The following LSAMP variants were observed in gnomAD, a reference collection of about 807,000 sequenced individuals.
LSAMP encodes limbic system-associated membrane protein.
In LSAMP, 7 loss-of-function variants were observed where a neutral mutation model predicts 38.6. The observed-to-expected ratio is 0.18, with a 90% CI of 0.10 to 0.34. The LOEUF (loss-of-function observed/expected upper bound fraction) is 0.34. Among genes scored for constraint, LSAMP ranks in the 10% least tolerant of loss-of-function variants. The pLI is 1.00. For missense variants in LSAMP, 313 were observed against 420.0 expected (o/e 0.75, Z 2.23); for synonymous variants, 154 against 166.8 (o/e 0.92, Z 0.59).
intron 2 of LSAMP, among the ~76,000 whole-genome samples, chr3:116,081,776 G>A (rs962073337): frequency 1.2e-4 from 18 of 152,114 alleles, no homozygotes; most frequent in African/African-American, 3.6e-4. Context: ...AAATGTATGG[G>A]ATTCTATTTA....
intron 1 of LSAMP, among the ~76,000 whole-genome samples, chr3:116,152,811 T>C (rs1275535088): frequency 6.6e-6 from 1 of 152,018 alleles, no homozygotes; most frequent in Non-Finnish European, 1.5e-5. Context: ...TAGAAATATG[T>C]ACACACACAC....
intron 1 of LSAMP, among the ~76,000 whole-genome samples, chr3:116,396,986 C>T (rs1174887124): frequency 6.6e-6 from 1 of 152,158 alleles, no homozygotes; most frequent in East Asian, 1.9e-4. Flanking sequence ...TAGCTTTTGT[C>T]CATGCTATCA....
chr3:116,439,750 G>A (rs1418785675), intron 1 of LSAMP, among the ~76,000 whole-genome samples: 2 of 152,188 alleles, frequency 1.3e-5, no homozygotes, highest in Non-Finnish European at 2.9e-5. Flanking sequence ...TTGAGACGGA[G>A]TCTCGCTCTG....
chr3:116,072,060 C>G (rs1278101547), intron 2 of LSAMP, among the ~76,000 whole-genome samples: 1 of 148,820 alleles, frequency 6.7e-6, no homozygotes, highest in Non-Finnish European at 1.5e-5. Flanking sequence ...ACTGCAAGCT[C>G]TGCCTCCCGG....
At chr3:116,398,181 G>T (rs1199563388) in intron 1 of LSAMP, among the ~76,000 whole-genome samples, 1 of 151,910 alleles carries the variant, frequency 6.6e-6, no homozygotes, top group Non-Finnish European at 1.5e-5. Flanking sequence ...ACATAATTAG[G>T]ATTTCTAATA....
intron 3 of LSAMP, among the ~76,000 whole-genome samples, chr3:115,898,004 T>A (rs992781407): frequency 8.5e-5 from 13 of 152,108 alleles, no homozygotes; most frequent in Non-Finnish European, 1.9e-4. Flanking sequence ...TCACTCCAGA[T>A]CCAAAATGCT....
intron 2 of LSAMP, among the ~76,000 whole-genome samples, chr3:116,081,724 T>C (rs1417410637): frequency 6.6e-6 from 1 of 152,160 alleles, no homozygotes. Context: ...ATGGATAAAG[T>C]CCGACAAGCC....
chr3:116,234,503 TTTATTAAAA>T (rs1170279140), intron 1 of LSAMP, among the ~76,000 whole-genome samples: 1 of 14,888 alleles, frequency 6.7e-5, no homozygotes, highest in Non-Finnish European at 4.4e-4. Flanking sequence ...AATCTACTTA[TTTATTAAAA>T]TAAATCCTGT....
At chr3:116,213,699 T>C (rs911701042) in intron 1 of LSAMP, among the ~76,000 whole-genome samples, 4 of 152,218 alleles carry the variant, frequency 2.6e-5, no homozygotes, top group Admixed American at 1.3e-4. Context: ...ATGTGGTATA[T>C]ATACATACAA....
chr3:116,081,299 T>C (rs1707866169), intron 2 of LSAMP, among the ~76,000 whole-genome samples: 1 of 151,978 alleles, frequency 6.6e-6, no homozygotes. Flanking sequence ...TCATCTCTAC[T>C]AAAAATTAGG....
At chr3:116,283,005 C>T (rs994056094) in intron 1 of LSAMP, among the ~76,000 whole-genome samples, 4 of 151,990 alleles carry the variant, frequency 2.6e-5, no homozygotes, top group Non-Finnish European at 5.9e-5. Context: ...AACAAGTTGC[C>T]CTTCCTTGGC....
At chr3:116,095,713 A>T (rs1033354520) in intron 1 of LSAMP, among the ~76,000 whole-genome samples, 4 of 152,222 alleles carry the variant, frequency 2.6e-5, no homozygotes, top group African/African-American at 9.6e-5. Flanking sequence ...GTTAGAGTCA[A>T]TCCCAGGAAC....
intron 3 of LSAMP, among the ~76,000 whole-genome samples, chr3:115,922,593 G>A (rs2107525596): frequency 6.6e-6 from 1 of 150,600 alleles, no homozygotes; most frequent in Admixed American, 6.6e-5. Context: ...TCTTTCCTTG[G>A]GCCATGTTTT....
At chr3:116,273,988 C>T (rs559616670) in intron 1 of LSAMP, among the ~76,000 whole-genome samples, 14 of 151,868 alleles carry the variant, frequency 9.2e-5, no homozygotes, top group African/African-American at 3.1e-4. Flanking sequence ...TCCACTGCTT[C>T]CTATCTGTTA....
At chr3:116,345,680 T>C (rs997907104) in intron 1 of LSAMP, among the ~76,000 whole-genome samples, 12 of 152,164 alleles carry the variant, frequency 7.9e-5, no homozygotes, top group Non-Finnish European at 1.3e-4. Flanking sequence ...CTGAGATTTG[T>C]TTGGGTTTTA....
chr3:116,317,356 C>CT (rs71616348), intron 1 of LSAMP, among the ~76,000 whole-genome samples: 7,441 of 140,038 alleles, frequency 0.053, 286 homozygotes, highest in African/African-American at 0.085. Flanking sequence ...CTCTTTCTTT[C>CT]TTTTTTTTTT....
chr3:115,813,719 ATG>A (rs1933918159), intron 6 of LSAMP, among the ~76,000 whole-genome samples: 1 of 152,190 alleles, frequency 6.6e-6, no homozygotes, highest in South Asian at 2.1e-4. Flanking sequence ...TTATAGATAT[ATG>A]TGACTGCATA....
At chr3:116,319,080 A>G (rs2047672644) in intron 1 of LSAMP, among the ~76,000 whole-genome samples, 1 of 152,204 alleles carries the variant, frequency 6.6e-6, no homozygotes, top group African/African-American at 2.4e-5. Flanking sequence ...TAGGGGAATA[A>G]TGCAAACAGT....
At chr3:116,233,050 C>T (rs930503391) in intron 1 of LSAMP, among the ~76,000 whole-genome samples, 15 of 151,990 alleles carry the variant, frequency 9.9e-5, no homozygotes, top group African/African-American at 2.2e-4. Context: ...ATTCTTTTCT[C>T]GCTGCCTTTA....
Sources: gnomAD v4.1 joint callset for allele counts (sites outside exome capture counted in the v4.1 genomes callset) on GRCh38, gnomAD v4.1.1 for gene constraint, MANE v1.5 for transcripts, NCBI Gene and HGNC (gene_info 2026-07-23, HGNC 2026-07-21) for gene names.